ARHGAP21: variants seen among roughly 807,000 people sequenced by gnomAD.
ARHGAP21 encodes rho GTPase-activating protein 21.
Under a neutral mutation model 164.6 loss-of-function variants are expected in ARHGAP21, and 38 were observed. That is an observed-to-expected ratio of 0.23 (90% CI 0.18 to 0.30). The LOEUF (loss-of-function observed/expected upper bound fraction) is 0.30. Ranked by LOEUF, ARHGAP21 falls within the 10% of genes least tolerant of loss-of-function variation. The pLI, the probability that ARHGAP21 is intolerant of heterozygous loss-of-function variation, is 1.00. For synonymous variants in ARHGAP21, 766 were observed against 857.9 expected (o/e 0.89, Z 1.87); for missense variants, 1,822 against 2,370.7 (o/e 0.77, Z 4.81).
At chr10:24,710,637 T>C (rs1370848858) in intron 2 of ARHGAP21, among the ~76,000 whole-genome samples, 2 of 152,192 alleles carry the variant, frequency 1.3e-5, no homozygotes, top group Admixed American at 1.3e-4. Flanking sequence ...GCTCAATAAA[T>C]GTTTGTTGAA....
chr10:24,609,149 C>T (rs573534137), intron 9 of ARHGAP21, among the ~76,000 whole-genome samples: 1 of 152,250 alleles, frequency 6.6e-6, no homozygotes, highest in South Asian at 2.1e-4. Context: ...CTGACTCATG[C>T]AGTATGAATA....
intron 14 of ARHGAP21, 75 bp from the exon 15 acceptor site, chr10:24,598,084 T>G: frequency 8.8e-7 from 1 of 1,138,750 alleles, no homozygotes; most frequent in East Asian, 2.4e-5. Flanking sequence ...AGGCTTTCTA[T>G]TGTACTGCTT....
chr10:24,586,150 G>A lies in ARHGAP21; in HGVS notation c.4183-44C>T, dbSNP rs563661457. ...GAAAGACTCTGAGCATAAGAATGCA[G>A]CTGAGTTCATTTTCTGACAAGCTTG... On this transcript the variant is annotated intron_variant, in intron 25 of 25. Transcript: ENST00000396432. 18 of 1,510,364 alleles carry A rather than the reference G, an allele frequency of 1.2e-5. No individual in the cohort carries two copies. In the South Asian group the frequency reaches 2.1e-4, roughly 17 times the overall value. The allele number at this position is 1,510,364 out of a possible 1,614,324, so 93.6% of individuals were successfully genotyped here.
chr10:24,660,386 TAAAAAAAAA>T (rs56053080), intron 4 of ARHGAP21, among the ~76,000 whole-genome samples: 4,022 of 60,204 alleles, frequency 0.067, 274 homozygotes, highest in African/African-American at 0.22. Context: ...CTCTCTCTCT[TAAAAAAAAA>T]AAAAAAAAAA....
chr10:24,596,347 A>C (rs1350836989), intron 17 of ARHGAP21: 1 of 435,496 alleles, frequency 2.3e-6, no homozygotes, highest in Non-Finnish European at 4.0e-6. Context: ...TCAAGAAAAG[A>C]GGAGGAGAGA....
chr10:24,615,668 GTTA>G (rs1187104707), intron 9 of ARHGAP21, among the ~76,000 whole-genome samples: 2 of 152,178 alleles, frequency 1.3e-5, no homozygotes, highest in Non-Finnish European at 2.9e-5. Flanking sequence ...CATAAAACGG[GTTA>G]TTAATTCTGC....
intron 2 of ARHGAP21, among the ~76,000 whole-genome samples, chr10:24,718,569 C>T (rs920804940): frequency 2.0e-5 from 3 of 152,052 alleles, no homozygotes; most frequent in African/African-American, 7.2e-5. Flanking sequence ...GAAGAGAGAG[C>T]GCCTGAGAAG....
chr10:24,716,726 T>C (rs1243732033), intron 2 of ARHGAP21, among the ~76,000 whole-genome samples: 1 of 152,196 alleles, frequency 6.6e-6, no homozygotes, highest in Non-Finnish European at 1.5e-5. Flanking sequence ...GAGAACAGGC[T>C]TTAGGCTGGC....
chr10:24,594,764 T>A (rs1349147740), intron 21 of ARHGAP21, among the ~76,000 whole-genome samples, 186 bp downstream of exon 21: 1 of 152,200 alleles, frequency 6.6e-6, no homozygotes, highest in African/African-American at 2.4e-5. Flanking sequence ...TTTTAAAATA[T>A]CCTTTTAAAA....
intron 2 of ARHGAP21, among the ~76,000 whole-genome samples, chr10:24,700,326 C>T (rs932359949): frequency 3.3e-5 from 5 of 152,096 alleles, no homozygotes; most frequent in African/African-American, 1.2e-4. Context: ...GGAAGTGCGC[C>T]GCAAGCACGT....
intron 2 of ARHGAP21, among the ~76,000 whole-genome samples, chr10:24,690,209 G>T (rs1565169963): frequency 6.6e-6 from 1 of 152,064 alleles, no homozygotes; most frequent in Non-Finnish European, 1.5e-5. Context: ...TTGTAGACCA[G>T]TGTCTATGAA....
At chr10:24,593,481 A>G (rs2130799683) in intron 21 of ARHGAP21, among the ~76,000 whole-genome samples, 1 of 152,274 alleles carries the variant, frequency 6.6e-6, no homozygotes, top group Middle Eastern at 3.4e-3. Flanking sequence ...TAATATTTAT[A>G]TGTATACACC....
At chr10:24,690,527 A>C (rs193045554) in intron 2 of ARHGAP21, among the ~76,000 whole-genome samples, 3 of 152,234 alleles carry the variant, frequency 2.0e-5, no homozygotes, top group Non-Finnish European at 4.4e-5. Flanking sequence ...GCCCCATAAT[A>C]TAAATAACAT....
chr10:24,611,304 G>A (rs768541227), intron 9 of ARHGAP21, among the ~76,000 whole-genome samples: 42 of 152,176 alleles, frequency 2.8e-4, no homozygotes, highest in Non-Finnish European at 5.3e-4. Context: ...TCTTATCCTT[G>A]GAGAACAAAA....
At chr10:24,715,936 G>C (rs916119139) in intron 2 of ARHGAP21, among the ~76,000 whole-genome samples, 12 of 152,244 alleles carry the variant, frequency 7.9e-5, no homozygotes, top group Admixed American at 7.9e-4. Context: ...TTGAGCCTGG[G>C]AGGCGGAGGT....
rs536066385 is a variant in ARHGAP21 at position 24,584,350 on chromosome 10, A to T, written c.*62T>A. The T allele has an allele frequency of 6.7e-7, 1 of 1,497,528 alleles. No individual in the cohort carries two copies. The highest frequency in any genetic ancestry group is 1.4e-5 in the African/African-American group (1 of 71,378). The allele number at this position is 1,497,528 out of a possible 1,614,324, so 92.8% of individuals were successfully genotyped here. On this transcript the variant is annotated 3_prime_UTR_variant, in exon 26 of 26. Transcript: ENST00000396432. ...ACAATTCTGATACAAGAAAATATTGACAGAGTTACTGGAACGTGTAACAGT... is the reference window on the plus strand; with the variant it reads ...ACAATTCTGATACAAGAAAATATTGTCAGAGTTACTGGAACGTGTAACAGT...
Position 24,621,000 on chromosome 10 carries a change from C to A in ARHGAP21, c.895G>T (p.Glu299Ter). 6.2e-7 allele frequency: 1 copy of A among 1,614,008 alleles called. No homozygotes were observed. Among genetic ancestry groups the A allele is most frequent in the East Asian group, 2.2e-5 (1 of 44,892 alleles). The change falls in exon 9 of 26, where the codon GAA becomes TAA. Residue 299 changes from glutamate to a stop codon, truncating the protein, a stop_gained. Transcript: ENST00000396432. LOFTEE classifies it high-confidence loss of function. ...TCACTCACGCCATACCTCACTTCTT[C>A]AGTTCTATGTGAAGGACCTGTATGG... is the stretch of plus-strand genomic sequence containing the variant. ...NNHTGPSHRTEEVRYGVSEQT... is the reference protein window; with the variant it reads ...NNHTGPSHRT
chr10:24,723,589 A>G lies in ARHGAP21; in HGVS notation c.-408T>C, dbSNP rs888482713. 9.0e-5 allele frequency: 13 copies of G among 144,624 alleles called. No homozygotes were observed. The highest frequency in any genetic ancestry group is 3.0e-4 in the African/African-American group (12 of 39,654). 9.0% of individuals were successfully genotyped at this position (144,624 alleles called of 1,614,324 possible). On this transcript the variant is annotated 5_prime_UTR_variant, in exon 1 of 26. Coordinates refer to ENST00000396432, the MANE Select transcript of ARHGAP21 (RefSeq NM_020824.4). ...GAGGAAGCGGGACGAGTGGATCCGC[A>G]CGGGGCTGGCCGGCTCCGGGACAGC...
intron 2 of ARHGAP21, among the ~76,000 whole-genome samples, chr10:24,703,682 T>C (rs1191867753): frequency 6.6e-6 from 1 of 152,192 alleles, no homozygotes; most frequent in Non-Finnish European, 1.5e-5. Context: ...CATGGTATCA[T>C]TTCTTTTGTC....
Sources: allele counts gnomAD v4.1 joint callset (sites outside exome capture counted in the v4.1 genomes callset), GRCh38; gene constraint gnomAD v4.1.1; transcripts MANE v1.5; gene names NCBI Gene and HGNC (gene_info 2026-07-23, HGNC 2026-07-21).